Variants in FHIP1A observed in about 807,000 individuals in gnomAD.
The protein encoded by FHIP1A is FHF complex subunit HOOK interacting protein 1A, also known as FHF complex subunit HOOK-interacting protein 1A.
FHIP1A carries 61 observed loss-of-function variants against 88.6 expected under a neutral mutation model. The observed-to-expected ratio is 0.69, with a 90% CI of 0.56 to 0.85. FHIP1A has a LOEUF of 0.85. Among genes scored for constraint, FHIP1A ranks in the 40% least tolerant of loss-of-function variants. FHIP1A has a pLI of 0.00. For missense variants in FHIP1A, 1,154 were observed against 1,273.5 expected, an observed-to-expected ratio of 0.91 and a Z score of 1.43; for synonymous variants, 478 against 496.0, an observed-to-expected ratio of 0.96 and a Z score of 0.48.
At chr4:151,565,649 G>A (rs1733357392) in intron 3 of FHIP1A, among the ~76,000 whole-genome samples, 1 of 152,036 alleles carries the variant, frequency 6.6e-6, no homozygotes, top group African/African-American at 2.4e-5. Context: ...GTTGCATCAA[G>A]CCGTTTATTT....
intron 3 of FHIP1A, among the ~76,000 whole-genome samples, chr4:151,483,326 G>A (rs542878882): frequency 8.6e-5 from 13 of 151,866 alleles, no homozygotes; most frequent in African/African-American, 3.1e-4. Flanking sequence ...GGGGTGTTTT[G>A]CAATATTTCC....
intron 13 of FHIP1A, among the ~76,000 whole-genome samples, chr4:151,660,836 A>G (rs1737430268): frequency 6.6e-6 from 1 of 152,224 alleles, no homozygotes; most frequent in South Asian, 2.1e-4. Flanking sequence ...GTGGTAGCTG[A>G]CACCCATTCA....
intron 3 of FHIP1A, among the ~76,000 whole-genome samples, chr4:151,552,192 A>T (rs1387911617): frequency 3.3e-5 from 5 of 152,292 alleles, no homozygotes; most frequent in African/African-American, 1.2e-4. Flanking sequence ...GCTGGAGAGG[A>T]TGTGGAAAAA....
At chr4:151,600,344 G>A (rs1560792348) in intron 7 of FHIP1A, among the ~76,000 whole-genome samples, 1 of 152,190 alleles carries the variant, frequency 6.6e-6, no homozygotes, top group Non-Finnish European at 1.5e-5. Flanking sequence ...TGACCTCAGG[G>A]CGAAGTGCAG....
chr4:151,443,702 T>C (rs1049590010), intron 1 of FHIP1A, among the ~76,000 whole-genome samples: 2 of 150,192 alleles, frequency 1.3e-5, no homozygotes, highest in Non-Finnish European at 3.0e-5. Flanking sequence ...TGTGTGTGTG[T>C]GTGTGTGTGT....
chr4:151,444,401 T>C (rs1341433137), intron 1 of FHIP1A, among the ~76,000 whole-genome samples: 3 of 152,164 alleles, frequency 2.0e-5, no homozygotes, highest in African/African-American at 2.4e-5. Context: ...ACATGTATAA[T>C]TTAAAGAAAC....
intron 7 of FHIP1A, among the ~76,000 whole-genome samples, chr4:151,617,433 G>C (rs1735584005): frequency 6.6e-6 from 1 of 152,114 alleles, no homozygotes; most frequent in Admixed American, 6.5e-5. Context: ...AACCTCTCCT[G>C]ATGTGGCCCC....
intron 13 of FHIP1A, among the ~76,000 whole-genome samples, chr4:151,661,172 C>T (rs1356003621): frequency 3.3e-5 from 5 of 152,120 alleles, no homozygotes; most frequent in Admixed American, 6.5e-5. Flanking sequence ...CTTTGCTGGG[C>T]GCTTTGGAGA....
rs185354846 is a variant in FHIP1A, at chr4:151,608,643, C to T, written c.978+19717C>T. 1.0e-3 allele frequency among the ~76,000 whole-genome samples: 155 copies of T among 152,290 alleles called. 1 individual carries two copies. In the Middle Eastern group the frequency reaches 0.01, roughly 10 times the overall value. ...GGCACTTCTGCTATTAATGCTCCTT[C>T]GCTGAACTAGGATTCAGAAGACAGG... is the stretch of plus-strand genomic sequence containing the variant. On this transcript the variant is annotated intron_variant, in intron 7 of 13. Coordinates refer to ENST00000435205, the MANE Select transcript of FHIP1A (RefSeq NM_001109977.3).
intron 9 of FHIP1A, among the ~76,000 whole-genome samples, chr4:151,640,097 C>T (rs937089003): frequency 6.6e-6 from 1 of 152,186 alleles, no homozygotes; most frequent in South Asian, 2.1e-4. Flanking sequence ...GGTCTCCTCT[C>T]GGACCTACTG....
At chr4:151,631,185 GA>G (rs758108644) in intron 8 of FHIP1A, among the ~76,000 whole-genome samples, 7 of 151,948 alleles carry the variant, frequency 4.6e-5, no homozygotes, top group Non-Finnish European at 8.8e-5. Context: ...AAAAAATGGA[GA>G]AAATAGGTGA....
intron 5 of FHIP1A, among the ~76,000 whole-genome samples, chr4:151,580,304 G>A (rs910378524): frequency 6.6e-6 from 1 of 152,050 alleles, no homozygotes; most frequent in Non-Finnish European, 1.5e-5. Context: ...CCTGCAAATT[G>A]GACTTAGATC....
At chr4:151,609,086 A>G (rs1384316417) in intron 7 of FHIP1A, among the ~76,000 whole-genome samples, 1 of 152,142 alleles carries the variant, frequency 6.6e-6, no homozygotes, top group African/African-American at 2.4e-5. Flanking sequence ...AGATATGTGG[A>G]CAGTGATTTC....
At chr4:151,477,691 C>CT (rs1729757329) in intron 2 of FHIP1A, among the ~76,000 whole-genome samples, 1 of 151,982 alleles carries the variant, frequency 6.6e-6, no homozygotes, top group Non-Finnish European at 1.5e-5. Flanking sequence ...TACAAATAGT[C>CT]TAAAGGAAGG....
intron 5 of FHIP1A, among the ~76,000 whole-genome samples, chr4:151,583,155 A>G (rs1043441474): frequency 2.0e-5 from 3 of 152,234 alleles, no homozygotes; most frequent in Non-Finnish European, 2.9e-5. Flanking sequence ...GTCTGGGTGA[A>G]TGAATCTGAA....
chr4:151,474,880 T>C (rs917237562), intron 2 of FHIP1A, among the ~76,000 whole-genome samples: 4 of 152,234 alleles, frequency 2.6e-5, no homozygotes, highest in African/African-American at 7.2e-5. Flanking sequence ...GAGGCCATCC[T>C]CTGATTCTTT....
intron 3 of FHIP1A, among the ~76,000 whole-genome samples, chr4:151,512,645 C>T (rs1172219500): frequency 6.6e-6 from 1 of 151,866 alleles, no homozygotes; most frequent in Non-Finnish European, 1.5e-5. Flanking sequence ...TCGAGAACTA[C>T]GTGAAGAATG....
At chr4:151,507,132 CT>C (rs895706596) in intron 3 of FHIP1A, among the ~76,000 whole-genome samples, 8 of 151,236 alleles carry the variant, frequency 5.3e-5, no homozygotes, top group Admixed American at 6.6e-5. Flanking sequence ...TGCCCCCCCA[CT>C]TTTTTTTTGA....
chr4:151,653,346 C>CTGTG (rs141948251), intron 11 of FHIP1A, among the ~76,000 whole-genome samples: 1 of 151,564 alleles, frequency 6.6e-6, no homozygotes, highest in Admixed American at 6.6e-5. Flanking sequence ...CTAGGTCTCT[C>CTGTG]TGTGTGTGTG....
Sources: allele counts gnomAD v4.1 joint callset (sites outside exome capture counted in the v4.1 genomes callset), GRCh38; gene constraint gnomAD v4.1.1; transcripts MANE v1.5; gene names NCBI Gene and HGNC (gene_info 2026-07-23, HGNC 2026-07-21).